PSMD11: variants seen among roughly 807,000 people sequenced by gnomAD.
PSMD11 encodes the protein 26S proteasome non-ATPase regulatory subunit 11.
A neutral mutation model predicts 62.3 loss-of-function variants in PSMD11; 5 were observed. That is an observed-to-expected ratio of 0.08 (90% CI 0.04 to 0.17). The LOEUF (loss-of-function observed/expected upper bound fraction) is 0.17. Ranked by LOEUF, PSMD11 falls within the 10% of genes least tolerant of loss-of-function variation. The probability of loss-of-function intolerance (pLI) is 1.00; values close to 1 mark genes in which losing one functional copy is unlikely to be tolerated. For missense variants in PSMD11, 310 were observed against 512.9 expected, an observed-to-expected ratio of 0.60 and a Z score of 3.82; for synonymous variants, 191 against 191.8, an observed-to-expected ratio of 1.00 and a Z score of 0.03.
intron 9 of PSMD11, chr17:32,477,963 T>C: frequency 6.3e-6 from 1 of 158,548 alleles, no homozygotes; most frequent in African/African-American, 2.4e-5. Flanking sequence ...CTAGTGCTTG[T>C]TCCACATGAC....
intron 3 of PSMD11, among the ~76,000 whole-genome samples, chr17:32,459,614 T>G (rs1299157126): frequency 6.6e-6 from 1 of 152,064 alleles, no homozygotes; most frequent in African/African-American, 2.4e-5. Flanking sequence ...CTACATTCGT[T>G]TAGGTAACTC....
chr17:32,477,924 C>T (rs534292627), intron 9 of PSMD11: 1 of 173,752 alleles, frequency 5.8e-6, no homozygotes, highest in African/African-American at 2.4e-5. Flanking sequence ...CAAAGTCACA[C>T]AGCATAGGGT....
At chr17:32,456,061 G>A (rs1244958465) in intron 3 of PSMD11, among the ~76,000 whole-genome samples, 8 of 149,894 alleles carry the variant, frequency 5.3e-5, no homozygotes, top group Non-Finnish European at 8.9e-5. Flanking sequence ...GGAGAATGGC[G>A]TGAACCCGGG....
chr17:32,462,461 A>T (rs1196123282), intron 3 of PSMD11, among the ~76,000 whole-genome samples: 1 of 152,016 alleles, frequency 6.6e-6, no homozygotes, highest in Non-Finnish European at 1.5e-5. Flanking sequence ...TTTTTAGGTA[A>T]TTTTTATGAG....
chr17:32,447,211 A>C, intron 2 of PSMD11, 165 bp downstream of exon 2: 1 of 514,036 alleles, frequency 1.9e-6, no homozygotes, highest in South Asian at 2.9e-5. Context: ...CTTTAAACTC[A>C]CTTCTTTCCT....
At chr17:32,448,684 C>A (rs567228206) in intron 2 of PSMD11, among the ~76,000 whole-genome samples, 1 of 152,238 alleles carries the variant, frequency 6.6e-6, no homozygotes, top group South Asian at 2.1e-4. Flanking sequence ...AGTGGTTACT[C>A]TTCTAAACAC....
chr17:32,475,059 A>G (rs1338603365), intron 8 of PSMD11, among the ~76,000 whole-genome samples: 2 of 152,176 alleles, frequency 1.3e-5, no homozygotes, highest in Non-Finnish European at 2.9e-5. Context: ...GACTTAGGGA[A>G]CTGAACTGTA....
intron 1 of PSMD11, 72 bp downstream of exon 1, chr17:32,444,686 A>AG (rs1907271556): frequency 6.3e-7 from 1 of 1,576,776 alleles, no homozygotes; most frequent in Admixed American, 1.8e-5. Flanking sequence ...GGCAGCGGAG[A>AG]GGGGCCCGGC....
intron 11 of PSMD11, 119 bp downstream of exon 11, chr17:32,480,005 G>T: frequency 6.7e-7 from 1 of 1,482,454 alleles, no homozygotes; most frequent in Non-Finnish European, 9.4e-7. Context: ...GGAATGGGCA[G>T]TGTGGACTAG....
intron 8 of PSMD11, chr17:32,476,600 A>G (rs886803172): frequency 2.0e-5 from 3 of 152,246 alleles, no homozygotes; most frequent in Non-Finnish European, 4.4e-5. Context: ...GCTTTTAAGC[A>G]GGAGATAGGC....
In PSMD11 at chr17:32,451,174, T is replaced by G. The variant is rs1323859574; in HGVS notation, c.194-3321T>G. 2.0e-5 allele frequency among the ~76,000 whole-genome samples: 3 copies of G among 149,988 alleles called. No individual in the cohort carries two copies. The East Asian group carries it at 5.8e-4, about 29-fold the overall frequency. On this transcript the variant is annotated intron_variant, in intron 2 of 13. Transcript: ENST00000261712. ...GACATGTAGGGGGACAACTAAGAGA[T>G]CATTTGCTTCTTTCGGCGTAAGAAG... is the stretch of plus-strand genomic sequence containing the variant.
intron 13 of PSMD11, 25 bp downstream of exon 13, chr17:32,480,656 G>C: frequency 1.9e-6 from 3 of 1,613,118 alleles, no homozygotes; most frequent in Non-Finnish European, 2.5e-6. Context: ...CAGGACCCCA[G>C]GGCTGGGCAG....
chr17:32,463,806 T>C (rs530814137), intron 3 of PSMD11, among the ~76,000 whole-genome samples: 2 of 152,278 alleles, frequency 1.3e-5, no homozygotes, highest in East Asian at 3.9e-4. Flanking sequence ...TAGGTAGGAG[T>C]CTTGAAGATA....
At chr17:32,456,404 C>T (rs1000660735) in intron 3 of PSMD11, among the ~76,000 whole-genome samples, 8 of 152,064 alleles carry the variant, frequency 5.3e-5, no homozygotes, top group Admixed American at 1.3e-4. Flanking sequence ...CAGAGTTTCA[C>T]TCTTGTTGCC....
intron 1 of PSMD11, among the ~76,000 whole-genome samples, chr17:32,446,502 C>T (rs1907335235): frequency 6.6e-6 from 1 of 152,102 alleles, no homozygotes; most frequent in South Asian, 2.1e-4. Context: ...TTTTGACTTA[C>T]AGGCATCAGT....
Position 32,479,385 on chromosome 17 carries a change from C to G in PSMD11, c.1038+9C>G. The G allele has an allele frequency of 6.2e-7, 1 of 1,613,286 alleles. No homozygotes were observed. The highest frequency in any genetic ancestry group is 8.5e-7 in the Non-Finnish European group (1 of 1,179,538). On this transcript the variant is annotated intron_variant, in intron 10 of 13. Coordinates refer to ENST00000261712, the MANE Select transcript of PSMD11 (RefSeq NM_002815.4). ...CTTTTTCCAGAGTACAGGTGAGAAC[C>G]CTCTGGGGACTCCATTTCTGGCCAG... is the stretch of plus-strand genomic sequence containing the variant.
At chr17:32,477,779 AATAT>A (rs1380159015) in intron 9 of PSMD11, 196 bp downstream of exon 9, 4 of 387,492 alleles carry the variant, frequency 1.0e-5, no homozygotes, top group African/African-American at 8.3e-5. Context: ...GTTGATATAA[AATAT>A]ATATTATTTA....
chr17:32,467,033 C>T (rs1908010835), intron 5 of PSMD11, among the ~76,000 whole-genome samples: 1 of 152,020 alleles, frequency 6.6e-6, no homozygotes. Context: ...CAACCTCCAC[C>T]TCCTGGGTTC....
intron 5 of PSMD11, among the ~76,000 whole-genome samples, chr17:32,467,239 G>A (rs917167539): frequency 3.5e-5 from 5 of 141,620 alleles, no homozygotes; most frequent in East Asian, 2.1e-4. Context: ...CACCATGCCC[G>A]GCCTTTTTTT....
Sources: gnomAD v4.1 joint callset for allele counts (sites outside exome capture counted in the v4.1 genomes callset) on GRCh38, gnomAD v4.1.1 for gene constraint, MANE v1.5 for transcripts, NCBI Gene and HGNC (gene_info 2026-07-23, HGNC 2026-07-21) for gene names.